Variants in CWF19L2 observed in about 807,000 individuals in gnomAD.
CWF19L2 encodes the protein CWF19-like protein 2.
CWF19L2 carries 98 observed loss-of-function variants against 111.7 expected under a neutral mutation model. The observed-to-expected ratio is 0.88, with a 90% CI of 0.75 to 1.04. The LOEUF (loss-of-function observed/expected upper bound fraction) is 1.04. Ranked by LOEUF, CWF19L2 falls within the 50% of genes least tolerant of loss-of-function variation. The pLI, the probability that CWF19L2 is intolerant of heterozygous loss-of-function variation, is 0.00. For synonymous variants in CWF19L2, 351 were observed against 342.9 expected, an observed-to-expected ratio of 1.02 and a Z score of -0.26; for missense variants, 1,101 against 1,051.4, an observed-to-expected ratio of 1.05 and a Z score of -0.65.
chr11:107,399,430 A>G (rs1246988079), intron 10 of CWF19L2, among the ~76,000 whole-genome samples: 1 of 152,228 alleles, frequency 6.6e-6, no homozygotes, highest in Non-Finnish European at 1.5e-5. Flanking sequence ...CTATTCTTAT[A>G]TCAGACAAAA....
rs559231339 is a variant in CWF19L2 at position 107,386,178 on chromosome 11, T to C, written c.1872+3896A>G. ...ACAGATAAGTACCACCATACCCAGC[T>C]GATTTTTTATTTTTTGTAGAGATAG... On this transcript the variant is annotated intron_variant, in intron 12 of 17. Coordinates refer to ENST00000282251, the MANE Select transcript of CWF19L2 (RefSeq NM_152434.3). Among the ~76,000 whole-genome samples, 6 of 152,264 alleles carry C rather than the reference T, an allele frequency of 3.9e-5. No homozygotes were observed. The South Asian group carries it at 1.0e-3, about 26-fold the overall frequency.
intron 10 of CWF19L2, among the ~76,000 whole-genome samples, chr11:107,396,103 T>C (rs574036312): frequency 6.6e-6 from 1 of 152,310 alleles, no homozygotes; most frequent in African/African-American, 2.4e-5. Context: ...ACAGAGTGCA[T>C]CTAACCACCT....
intron 8 of CWF19L2, among the ~76,000 whole-genome samples, chr11:107,428,002 T>C (rs879156672): frequency 6.6e-6 from 1 of 152,172 alleles, no homozygotes; most frequent in Non-Finnish European, 1.5e-5. Context: ...TGTGTTTCTA[T>C]TATTTCCTAA....
intron 8 of CWF19L2, among the ~76,000 whole-genome samples, chr11:107,419,329 C>T (rs1329237437): frequency 6.6e-6 from 1 of 152,094 alleles, no homozygotes; most frequent in African/African-American, 2.4e-5. Context: ...AAATGTTTTC[C>T]AATTAATCAG....
chr11:107,415,591 A>G (rs1226839938), intron 10 of CWF19L2, among the ~76,000 whole-genome samples: 1 of 152,198 alleles, frequency 6.6e-6, no homozygotes, highest in Non-Finnish European at 1.5e-5. Context: ...TCTGAAGGAG[A>G]CAGTTAAGAA....
chr11:107,381,777 C>T (rs1054621796), intron 12 of CWF19L2, among the ~76,000 whole-genome samples: 17 of 152,014 alleles, frequency 1.1e-4, no homozygotes, highest in African/African-American at 4.1e-4. Flanking sequence ...ATTAGAGAAA[C>T]ATGTAATATA....
chr11:107,412,731 C>T (rs1240679794), intron 10 of CWF19L2, among the ~76,000 whole-genome samples: 2 of 152,192 alleles, frequency 1.3e-5, no homozygotes, highest in Non-Finnish European at 2.9e-5. Context: ...AACTTGGATG[C>T]ACCAAGATGT....
chr11:107,397,197 G>A (rs188187461), intron 10 of CWF19L2, among the ~76,000 whole-genome samples: 74 of 152,238 alleles, frequency 4.9e-4, no homozygotes, highest in South Asian at 1.7e-3. Flanking sequence ...CAAATCCTGC[G>A]TACAGACTTC....
At chr11:107,387,999 T>C (rs1413009867) in intron 12 of CWF19L2, among the ~76,000 whole-genome samples, 1 of 152,208 alleles carries the variant, frequency 6.6e-6, no homozygotes, top group African/African-American at 2.4e-5. Flanking sequence ...AGTCTCTTGA[T>C]GTTCTTCAAG....
chr11:107,439,086 A>G lies in CWF19L2; in HGVS notation c.664+4T>C, dbSNP rs777456862. 1.0e-5 allele frequency: 14 copies of G among 1,391,550 alleles called. No homozygotes were observed. The highest frequency in any genetic ancestry group is 1.4e-5 in the Non-Finnish European group (14 of 993,842). The allele number at this position is 1,391,550 out of a possible 1,614,324, so 86.2% of individuals were successfully genotyped here. ...GTGTGTCTATAATCAAAATGTAGAA[A>G]TACCTTTAGTAATCGATGACACACT... On this transcript the variant is annotated splice_donor_region_variant and intron_variant, in intron 6 of 17. Coordinates refer to ENST00000282251, the MANE Select transcript of CWF19L2 (RefSeq NM_152434.3).
chr11:107,426,339 A>AGAAGTT (rs1207205526), intron 8 of CWF19L2, among the ~76,000 whole-genome samples: 1 of 151,914 alleles, frequency 6.6e-6, no homozygotes, highest in African/African-American at 2.4e-5. Flanking sequence ...GTTCAATAAT[A>AGAAGTT]CTATCAGCAA....
At chr11:107,451,860 A>C (rs1367042287) in intron 3 of CWF19L2, among the ~76,000 whole-genome samples, 1 of 152,228 alleles carries the variant, frequency 6.6e-6, no homozygotes, top group East Asian at 1.9e-4. Context: ...ATGCAAAAAA[A>C]GCACTTACCA....
intron 3 of CWF19L2, among the ~76,000 whole-genome samples, chr11:107,444,102 T>TC (rs1861669681): frequency 6.6e-6 from 1 of 151,982 alleles, no homozygotes; most frequent in Non-Finnish European, 1.5e-5. Context: ...CACCCTTTTT[T>TC]TTTTTTTTTT....
chr11:107,401,690 T>C (rs1861002156), intron 10 of CWF19L2, among the ~76,000 whole-genome samples: 1 of 151,810 alleles, frequency 6.6e-6, no homozygotes, highest in Admixed American at 6.6e-5. Context: ...ACAATCCCCA[T>C]CAGAATACCA....
At chr11:107,431,354 A>G (rs1463409899) in intron 7 of CWF19L2, among the ~76,000 whole-genome samples, 2 of 152,014 alleles carry the variant, frequency 1.3e-5, no homozygotes, top group Non-Finnish European at 2.9e-5. Context: ...TTCAATTTAT[A>G]ATATAAAAAA....
At chr11:107,402,951 G>A (rs1165756764) in intron 10 of CWF19L2, among the ~76,000 whole-genome samples, 2 of 145,360 alleles carry the variant, frequency 1.4e-5, no homozygotes, top group African/African-American at 5.1e-5. Flanking sequence ...TAGCATTTGT[G>A]ATGACCTGGA....
At chr11:107,428,776 T>C in intron 8 of CWF19L2, 23 bp downstream of exon 8, 2 of 1,555,706 alleles carry the variant, frequency 1.3e-6, no homozygotes, top group Non-Finnish European at 1.7e-6. Flanking sequence ...CTTAACTTAT[T>C]AGGTTAAAAA....
intron 10 of CWF19L2, among the ~76,000 whole-genome samples, chr11:107,395,973 T>A (rs1860915942): frequency 6.6e-6 from 1 of 152,212 alleles, no homozygotes; most frequent in Admixed American, 6.5e-5. Flanking sequence ...ACAGATTAAT[T>A]GTATCCCAAA....
chr11:107,372,718 A>G (rs1321149082), intron 12 of CWF19L2, among the ~76,000 whole-genome samples: 3 of 135,620 alleles, frequency 2.2e-5, no homozygotes. Flanking sequence ...AAAACTAGTT[A>G]GAAGGCTATT....
Sources: gnomAD v4.1 joint callset for allele counts (sites outside exome capture counted in the v4.1 genomes callset) on GRCh38, gnomAD v4.1.1 for gene constraint, MANE v1.5 for transcripts, NCBI Gene and HGNC (gene_info 2026-07-23, HGNC 2026-07-21) for gene names.